The following PIWIL3 variants were observed in gnomAD, a reference collection of about 807,000 sequenced individuals.
PIWIL3 encodes the protein piwi-like protein 3.
In PIWIL3, 101 loss-of-function variants were observed where a neutral mutation model predicts 109.7. The ratio of observed to expected loss-of-function variants is 0.92; its 90% CI spans 0.78 to 1.09. PIWIL3 has a LOEUF of 1.09. Among genes scored for constraint, PIWIL3 ranks in the 50% least tolerant of loss-of-function variants. The probability of loss-of-function intolerance (pLI) is 0.00; values close to 1 mark genes in which losing one functional copy is unlikely to be tolerated. For missense variants in PIWIL3, 1,031 were observed against 1,072.6 expected (o/e 0.96, Z 0.54); for synonymous variants, 373 against 376.4 (o/e 0.99, Z 0.10).
chr22:24,751,829 A>G (rs1036608353), intron 8 of PIWIL3, among the ~76,000 whole-genome samples: 4 of 152,216 alleles, frequency 2.6e-5, no homozygotes, highest in Admixed American at 2.6e-4. Flanking sequence ...AAACTGAGTC[A>G]TGCAACGTGT....
At chr22:24,766,332 G>GT (rs1347781933) in intron 1 of PIWIL3, among the ~76,000 whole-genome samples, 13 of 151,104 alleles carry the variant, frequency 8.6e-5, no homozygotes, top group Non-Finnish European at 1.9e-4. Context: ...TTTTGTTTTT[G>GT]TTTTGAGACA....
At chr22:24,739,466 A>C (rs992543729) in intron 12 of PIWIL3, among the ~76,000 whole-genome samples, 4 of 152,160 alleles carry the variant, frequency 2.6e-5, no homozygotes, top group African/African-American at 9.7e-5. Context: ...ATAACATAGA[A>C]TGGAGCTCCA....
intron 14 of PIWIL3, among the ~76,000 whole-genome samples, chr22:24,732,321 T>G (rs1923399991): frequency 6.6e-6 from 1 of 152,200 alleles, no homozygotes. Context: ...CCCTATTATA[T>G]GGATCATTTC....
chr22:24,726,359 T>C (rs1922996076), intron 16 of PIWIL3, among the ~76,000 whole-genome samples: 1 of 152,006 alleles, frequency 6.6e-6, no homozygotes, highest in African/African-American at 2.4e-5. Context: ...CTTGGCTCAC[T>C]GCAAGCTCCA....
At position 24,754,795 on chromosome 22, in the gene PIWIL3, T is replaced by C. The variant is rs1924924821; in HGVS notation, c.762A>G (p.Leu254=). 6.2e-7 allele frequency: 1 copy of C among 1,607,086 alleles called. No individual in the cohort carries two copies. The highest frequency in any genetic ancestry group is 2.2e-5 in the East Asian group (1 of 44,792). Residue 254 remains leucine (L), a synonymous_variant, in exon 7 of 21, where the codon TTA becomes TTG. Transcript: ENST00000616349. ...NYYTKKKAIQ[L]YRHGTSLEIW... is the part of the protein sequence containing the mutation. ...TACTTTATACAAACCCATGACGGTA[T>C]AACTGAATGGCCTTCTTTTTGGTAT...
intron 4 of PIWIL3, 26 bp downstream of exon 4, chr22:24,757,882 A>G (rs768459430): frequency 1.3e-6 from 2 of 1,572,830 alleles, no homozygotes; most frequent in Non-Finnish European, 1.7e-6. Context: ...ACAGCTCCAT[A>G]AACATTGAGT....
chr22:24,762,017 A>G (rs1486877790), intron 2 of PIWIL3: 10 of 1,002,236 alleles, frequency 1.0e-5, no homozygotes, highest in African/African-American at 1.7e-5. Flanking sequence ...CAGGGCAGGC[A>G]TAACAAGTTT....
intron 11 of PIWIL3, 84 bp from the exon 12 acceptor site, chr22:24,749,105 C>A: frequency 9.4e-7 from 1 of 1,061,918 alleles, no homozygotes; most frequent in Admixed American, 2.3e-5. Context: ...TCCTTCTATT[C>A]CAAGGTTCAC....
At chr22:24,731,661 A>C (rs1055205880) in intron 14 of PIWIL3, among the ~76,000 whole-genome samples, 1 of 152,140 alleles carries the variant, frequency 6.6e-6, no homozygotes, top group African/African-American at 2.4e-5. Flanking sequence ...AAAAAAAAAA[A>C]AAGAAAAGTT....
chr22:24,737,081 G>A (rs1396981731), intron 12 of PIWIL3, among the ~76,000 whole-genome samples: 26 of 152,176 alleles, frequency 1.7e-4, no homozygotes, highest in Admixed American at 1.6e-3. Context: ...AGGGGTAGGG[G>A]ACAGGATCTA....
At position 24,734,079 on chromosome 22, in the gene PIWIL3, C is replaced by G; in HGVS notation, c.1707+5G>C. 6.2e-7 allele frequency: 1 copy of G among 1,608,146 alleles called. No homozygotes were observed. Among genetic ancestry groups the G allele is most frequent in the Non-Finnish European group, 8.5e-7 (1 of 1,178,144 alleles). Reference sequence around the variant, plus strand: ...AGATTGTACATGTATCAACTAGACACTTACCATCTGCAGTGTTGGTCTAGT... The same window carrying G: ...AGATTGTACATGTATCAACTAGACAGTTACCATCTGCAGTGTTGGTCTAGT... On this transcript the variant is annotated splice_donor_5th_base_variant and intron_variant, in intron 14 of 20. Transcript: ENST00000616349.
chr22:24,760,648 C>T (rs938959704), intron 2 of PIWIL3, among the ~76,000 whole-genome samples: 2 of 151,776 alleles, frequency 1.3e-5, no homozygotes, highest in South Asian at 2.1e-4. Context: ...GGCATGGTGG[C>T]ACATGCCTGT....
intron 19 of PIWIL3, 84 bp downstream of exon 19, chr22:24,723,046 A>C (rs1922768270): frequency 6.9e-7 from 1 of 1,447,612 alleles, no homozygotes; most frequent in Admixed American, 1.9e-5. Context: ...TTTAAGGTAA[A>C]GTTATTGGAA....
At chr22:24,722,653 C>T (rs1232043287) in intron 19 of PIWIL3, among the ~76,000 whole-genome samples, 1 of 152,066 alleles carries the variant, frequency 6.6e-6, no homozygotes, top group African/African-American at 2.4e-5. Flanking sequence ...GAAGAGGTGG[C>T]AGTGTGCCTG....
Position 24,719,880 on chromosome 22 carries a change from A to G in PIWIL3, c.2373T>C (p.Ile791=), listed in dbSNP as rs759702806. Residue 791 remains isoleucine, a synonymous_variant, in exon 20 of 21, where the codon ATT becomes ATC. Transcript: ENST00000616349. ...TCCCATCTTGCACAGACTGACTCAC[A>G]ATAAAAAAGTCATACCTGGAAATAT... ...LTRNEWYDFF[I]VSQSVQDGTV... 1.4e-5 allele frequency: 23 copies of G among 1,610,450 alleles called. No individual in the cohort carries two copies. In the East Asian group the frequency reaches 4.9e-4, roughly 34 times the overall value.
chr22:24,727,932 C>T lies in PIWIL3; in HGVS notation c.2009+18G>A. On this transcript the variant is annotated intron_variant, in intron 16 of 20. Transcript: ENST00000616349. ...ACAGTCAGCTACTAACTAAACATGT[C>T]TACCAGAGCTTACTTACTTTGTTAA... is the stretch of plus-strand genomic sequence containing the variant. 1.9e-6 allele frequency: 3 copies of T among 1,579,968 alleles called. No homozygotes were observed. The highest frequency in any genetic ancestry group is 1.1e-5 in the South Asian group (1 of 90,152).
At position 24,744,369 on chromosome 22, in the gene PIWIL3, G is replaced by A. The variant is rs537527176; in HGVS notation, c.1449+4538C>T. ...AGGTGAATCACAAGGTCAGGAGTTC[G>A]AGACCAGCCTGACCAACATGGTGAA... On this transcript the variant is annotated intron_variant, in intron 12 of 20. Transcript: ENST00000616349. 6.6e-5 allele frequency among the ~76,000 whole-genome samples: 10 copies of A among 151,828 alleles called. No homozygotes were observed. The South Asian group carries it at 1.3e-3, about 19-fold the overall frequency.
intron 8 of PIWIL3, among the ~76,000 whole-genome samples, chr22:24,752,643 G>A (rs920564163): frequency 6.6e-6 from 1 of 152,094 alleles, no homozygotes; most frequent in Non-Finnish European, 1.5e-5. Flanking sequence ...CACACTTTGT[G>A]GGTCTATGTC....
At chr22:24,737,057 T>A (rs910702634) in intron 12 of PIWIL3, among the ~76,000 whole-genome samples, 2 of 152,114 alleles carry the variant, frequency 1.3e-5, no homozygotes, top group African/African-American at 4.8e-5. Context: ...TCAGAGCTCA[T>A]AAACTAGGGG....
Sources: allele counts gnomAD v4.1 joint callset (sites outside exome capture counted in the v4.1 genomes callset), GRCh38; gene constraint gnomAD v4.1.1; transcripts MANE v1.5; gene names NCBI Gene and HGNC (gene_info 2026-07-23, HGNC 2026-07-21).